The following PRKG1 variants were observed in gnomAD, a reference collection of about 807,000 sequenced individuals.
PRKG1 encodes protein kinase cGMP-dependent 1, also known as cGMP-dependent protein kinase 1.
A neutral mutation model predicts 88.1 loss-of-function variants in PRKG1; 35 were observed. The observed-to-expected ratio is 0.40, with a 90% CI of 0.30 to 0.53. The LOEUF is 0.53. Among genes scored for constraint, PRKG1 ranks in the 20% least tolerant of loss-of-function variants. The probability of loss-of-function intolerance (pLI) is 0.59; values close to 1 mark genes in which losing one functional copy is unlikely to be tolerated. For missense variants in PRKG1, 540 were observed against 839.8 expected (o/e 0.64, Z 4.41); for synonymous variants, 303 against 292.5 (o/e 1.04, Z -0.37).
intron 7 of PRKG1, among the ~76,000 whole-genome samples, chr10:52,068,202 C>CAAAAAAA (rs71032621): frequency 3.1e-4 from 12 of 38,854 alleles, no homozygotes; most frequent in Non-Finnish European, 4.3e-4. Flanking sequence ...AACTCCGTCT[C>CAAAAAAA]AAAAAAAAAA....
chr10:52,192,559 AT>A (rs1564510892), intron 9 of PRKG1, among the ~76,000 whole-genome samples: 3 of 152,092 alleles, frequency 2.0e-5, no homozygotes, highest in African/African-American at 7.2e-5. Context: ...AGCGTTTTAG[AT>A]TGATATTCTC....
intron 3 of PRKG1, among the ~76,000 whole-genome samples, chr10:51,628,255 G>A (rs1016387084): frequency 3.4e-5 from 5 of 148,824 alleles, no homozygotes; most frequent in Admixed American, 2.0e-4. Flanking sequence ...CTGCAGCCTC[G>A]ACCTCCCAGG....
intron 5 of PRKG1, among the ~76,000 whole-genome samples, chr10:51,914,837 G>A (rs1292533926): frequency 6.6e-6 from 1 of 152,118 alleles, no homozygotes; most frequent in Non-Finnish European, 1.5e-5. Context: ...CTATGGCACC[G>A]ATAAGGTCTT....
intron 3 of PRKG1, among the ~76,000 whole-genome samples, chr10:51,761,594 G>T (rs1193676332): frequency 2.0e-5 from 3 of 152,190 alleles, no homozygotes; most frequent in African/African-American, 7.2e-5. Context: ...TTTCAAAGGG[G>T]AGTAGTGTTT....
intron 4 of PRKG1, among the ~76,000 whole-genome samples, chr10:51,816,142 C>T (rs1937719): frequency 0.22 from 33,115 of 151,952 alleles, 5,865 homozygotes; most frequent in African/African-American, 0.49. Context: ...AGGCAGTAAC[C>T]AGAATCGTGA....
intron 2 of PRKG1, among the ~76,000 whole-genome samples, chr10:51,173,955 G>A (rs1224772226): frequency 6.6e-6 from 1 of 151,724 alleles, no homozygotes; most frequent in African/African-American, 2.4e-5. Context: ...TTAAAAAATA[G>A]AGAACTGGTT....
chr10:51,374,914 C>T (rs1842787021), intron 2 of PRKG1, among the ~76,000 whole-genome samples: 1 of 152,098 alleles, frequency 6.6e-6, no homozygotes, highest in Non-Finnish European at 1.5e-5. Context: ...CTAGAGTCTA[C>T]CCTCAGCTTC....
intron 3 of PRKG1, among the ~76,000 whole-genome samples, chr10:51,583,533 C>A (rs1838095800): frequency 6.6e-6 from 1 of 152,068 alleles, no homozygotes; most frequent in African/African-American, 2.4e-5. Flanking sequence ...TGCTTTTCTA[C>A]CAAAACATCT....
At chr10:51,450,975 AG>A (rs1170372672) in intron 2 of PRKG1, among the ~76,000 whole-genome samples, 2 of 151,928 alleles carry the variant, frequency 1.3e-5, no homozygotes, top group African/African-American at 4.8e-5. Flanking sequence ...TCAGCTAACT[AG>A]GGGTTATTAA....
chr10:51,559,964 T>C (rs1324505210), intron 3 of PRKG1, among the ~76,000 whole-genome samples: 1 of 152,162 alleles, frequency 6.6e-6, no homozygotes, highest in African/African-American at 2.4e-5. Flanking sequence ...CTACAAAATG[T>C]TAATTGAACT....
intron 2 of PRKG1, among the ~76,000 whole-genome samples, chr10:51,371,608 C>T (rs1378510211): frequency 6.6e-6 from 1 of 152,138 alleles, no homozygotes; most frequent in Non-Finnish European, 1.5e-5. Flanking sequence ...GTGAGTAACA[C>T]TCCTATTCCC....
At chr10:51,701,886 AAGTC>A in intron 3 of PRKG1, among the ~76,000 whole-genome samples, 1 of 152,218 alleles carries the variant, frequency 6.6e-6, no homozygotes, top group South Asian at 2.1e-4. Flanking sequence ...ATGGCTTGTT[AAGTC>A]AGATTCTGCT....
intron 5 of PRKG1, among the ~76,000 whole-genome samples, chr10:51,987,856 C>T (rs545863645): frequency 6.6e-6 from 1 of 151,944 alleles, no homozygotes; most frequent in South Asian, 2.1e-4. Context: ...AAAACGGCCA[C>T]AAGGAGCAAT....
intron 2 of PRKG1, among the ~76,000 whole-genome samples, chr10:51,191,922 G>A (rs949191604): frequency 1.3e-5 from 2 of 151,780 alleles, no homozygotes; most frequent in African/African-American, 2.4e-5. Flanking sequence ...AGCAAATAAA[G>A]TATCATTCTG....
intron 2 of PRKG1, among the ~76,000 whole-genome samples, chr10:51,314,898 C>T (rs1180728096): frequency 6.6e-6 from 1 of 152,172 alleles, no homozygotes; most frequent in Non-Finnish European, 1.5e-5. Flanking sequence ...AACTGTATGT[C>T]TCCATTGGTC....
rs145286944 is a variant in PRKG1 at position 51,190,260 on chromosome 10, A to T, written c.478+36930A>T. Among the ~76,000 whole-genome samples the T allele has an allele frequency of 4.3e-4, 65 of 152,110 alleles. 1 individual carries two copies. In the East Asian group the frequency reaches 0.011, roughly 25 times the overall value. ...GTGAGTAAAAAGAAGTAAACATAGA[A>T]TGTAATACTAAATACCTGAAGCTGG... On this transcript the variant is annotated intron_variant, in intron 2 of 17. Coordinates refer to ENST00000373980, the MANE Select transcript of PRKG1 (RefSeq NM_006258.4).
intron 2 of PRKG1, among the ~76,000 whole-genome samples, chr10:51,456,735 A>T (rs1839596461): frequency 6.6e-6 from 1 of 152,198 alleles, no homozygotes; most frequent in Admixed American, 6.5e-5. Flanking sequence ...AATTCAAACC[A>T]GCAAGTACAA....
At chr10:52,084,914 T>G (rs1434476132) in intron 7 of PRKG1, among the ~76,000 whole-genome samples, 2 of 152,088 alleles carry the variant, frequency 1.3e-5, no homozygotes, top group Non-Finnish European at 2.9e-5. Flanking sequence ...TTTCTTTGTC[T>G]TGGTGCAGAT....
intron 2 of PRKG1, chr10:51,299,428 A>G (rs912466350): frequency 5.1e-6 from 2 of 395,082 alleles, no homozygotes; most frequent in East Asian, 1.8e-4. Flanking sequence ...CTGGTCTTGA[A>G]CTCCTGATCT....
Sources: gnomAD v4.1 joint callset for allele counts (sites outside exome capture counted in the v4.1 genomes callset) on GRCh38, gnomAD v4.1.1 for gene constraint, MANE v1.5 for transcripts, NCBI Gene and HGNC (gene_info 2026-07-23, HGNC 2026-07-21) for gene names.